The following SNTG1 variants were observed in gnomAD, a reference collection of about 807,000 sequenced individuals.
SNTG1 encodes the protein syntrophin gamma 1.
SNTG1 carries 39 observed loss-of-function variants against 74.7 expected under a neutral mutation model. That is an observed-to-expected ratio of 0.52 (90% CI 0.40 to 0.68). SNTG1 has a LOEUF of 0.68. SNTG1 is among the 30% of genes least tolerant of loss of function. The pLI is 0.00. For missense variants in SNTG1, 685 were observed against 609.5 expected (o/e 1.12, Z -1.30); for synonymous variants, 254 against 217.1 (o/e 1.17, Z -1.49).
intron 9 of SNTG1, among the ~76,000 whole-genome samples, chr8:50,528,694 G>A (rs1326572598): frequency 6.6e-6 from 1 of 151,452 alleles, no homozygotes; most frequent in Non-Finnish European, 1.5e-5. Context: ...CTTTCATGAA[G>A]TTATTTATCA....
intron 1 of SNTG1, among the ~76,000 whole-genome samples, chr8:50,041,608 C>T (rs755930800): frequency 3.3e-5 from 5 of 152,080 alleles, no homozygotes; most frequent in Non-Finnish European, 5.9e-5. Flanking sequence ...GTACAACTTT[C>T]ACAATTTATA....
At chr8:50,591,878 C>G (rs2094694096) in intron 13 of SNTG1, among the ~76,000 whole-genome samples, 1 of 152,164 alleles carries the variant, frequency 6.6e-6, no homozygotes, top group Non-Finnish European at 1.5e-5. Flanking sequence ...TGGATAAATG[C>G]AGAGGTTGGA....
chr8:50,036,203 A>G (rs1399821991), intron 1 of SNTG1, among the ~76,000 whole-genome samples: 1 of 152,210 alleles, frequency 6.6e-6, no homozygotes, highest in Non-Finnish European at 1.5e-5. Context: ...GACATACATT[A>G]TCTCTCTTAA....
At chr8:50,400,884 C>A (rs756245885) in intron 3 of SNTG1, among the ~76,000 whole-genome samples, 1 of 151,988 alleles carries the variant, frequency 6.6e-6, no homozygotes, top group Non-Finnish European at 1.5e-5. Flanking sequence ...TACTCTAGTG[C>A]ACGCTAGGAT....
chr8:50,285,597 C>T (rs1325947259), intron 2 of SNTG1, among the ~76,000 whole-genome samples: 1 of 152,110 alleles, frequency 6.6e-6, no homozygotes, highest in Non-Finnish European at 1.5e-5. Flanking sequence ...TCTCTCATCT[C>T]ATTATTTCTG....
chr8:50,048,589 G>T (rs1262103741), intron 1 of SNTG1, among the ~76,000 whole-genome samples: 1 of 152,004 alleles, frequency 6.6e-6, no homozygotes, highest in Non-Finnish European at 1.5e-5. Flanking sequence ...CATAGAAAAG[G>T]TGTCAGCTCC....
At chr8:50,164,373 C>G (rs1382895312) in intron 1 of SNTG1, 5 of 152,108 alleles carry the variant, frequency 3.3e-5, no homozygotes, top group African/African-American at 9.7e-5. Context: ...TGGCAATTCT[C>G]CATTGACAAG....
At chr8:49,973,490 G>A (rs953350231) in intron 1 of SNTG1, among the ~76,000 whole-genome samples, 3 of 151,162 alleles carry the variant, frequency 2.0e-5, no homozygotes, top group African/African-American at 4.9e-5. Flanking sequence ...TTGTGCACAT[G>A]TACCCTAAAA....
At chr8:50,739,750 A>C (rs1023415119) in intron 17 of SNTG1, among the ~76,000 whole-genome samples, 19 of 152,012 alleles carry the variant, frequency 1.2e-4, no homozygotes, top group African/African-American at 4.3e-4. Flanking sequence ...AGTAACCAAA[A>C]CAGCATGGCA....
chr8:50,177,457 G>C (rs2083040785), intron 2 of SNTG1, among the ~76,000 whole-genome samples: 1 of 152,156 alleles, frequency 6.6e-6, no homozygotes, highest in Non-Finnish European at 1.5e-5. Flanking sequence ...GGATGCAAAA[G>C]CCAATCTTCA....
At chr8:49,996,986 T>A (rs1814284039) in intron 1 of SNTG1, among the ~76,000 whole-genome samples, 1 of 152,166 alleles carries the variant, frequency 6.6e-6, no homozygotes, top group South Asian at 2.1e-4. Context: ...ACTTATTTTA[T>A]CCAATGTCTG....
chr8:50,693,805 G>C (rs2095392921), intron 15 of SNTG1, among the ~76,000 whole-genome samples: 1 of 151,948 alleles, frequency 6.6e-6, no homozygotes. Flanking sequence ...ATAACAGTAA[G>C]GATTTTATAA....
At chr8:49,925,222 ATTAC>A (rs1249424391) in intron 1 of SNTG1, among the ~76,000 whole-genome samples, 2 of 152,204 alleles carry the variant, frequency 1.3e-5, no homozygotes, top group African/African-American at 4.8e-5. Context: ...TATTTAAATA[ATTAC>A]TTGTCTTTTA....
chr8:50,360,619 A>G (rs1406201424), intron 2 of SNTG1, among the ~76,000 whole-genome samples: 1 of 152,206 alleles, frequency 6.6e-6, no homozygotes, highest in African/African-American at 2.4e-5. Flanking sequence ...CCTACACTAC[A>G]TGGGATAGCC....
chr8:50,154,061 C>A (rs2082169153), intron 1 of SNTG1, among the ~76,000 whole-genome samples: 1 of 152,144 alleles, frequency 6.6e-6, no homozygotes, highest in Non-Finnish European at 1.5e-5. Context: ...CCAGTTTGAG[C>A]TTCCAGGCTG....
chr8:50,216,966 T>C (rs984199183), intron 2 of SNTG1, among the ~76,000 whole-genome samples: 2 of 151,806 alleles, frequency 1.3e-5, no homozygotes, highest in Admixed American at 1.3e-4. Context: ...AAAACTTATT[T>C]ATTGAGTTTG....
chr8:49,961,915 T>C (rs530094062), intron 1 of SNTG1, among the ~76,000 whole-genome samples: 5 of 152,136 alleles, frequency 3.3e-5, no homozygotes, highest in Admixed American at 2.6e-4. Flanking sequence ...ATAGAAAAAA[T>C]AGCGTCTTTT....
rs145894028 is a variant in SNTG1 at position 50,582,667 on chromosome 8, C to T, written c.811-8212C>T. Among the ~76,000 whole-genome samples, 11 of 152,150 alleles carry T rather than the reference C, an allele frequency of 7.2e-5. No individual in the cohort carries two copies. In the East Asian group the frequency reaches 2.1e-3, roughly 29 times the overall value. Reference sequence around the variant, plus strand: ...ACAATTCTAGAAAAAAACAGGAATTCAAGCATAACATATTTTTTTTATTGA... The same window carrying T: ...ACAATTCTAGAAAAAAACAGGAATTTAAGCATAACATATTTTTTTTATTGA... On this transcript the variant is annotated intron_variant, in intron 12 of 18. Transcript: ENST00000642720.
At chr8:49,926,249 C>T (rs6472817) in intron 1 of SNTG1, among the ~76,000 whole-genome samples, 5,681 of 151,780 alleles carry the variant, frequency 0.037, 267 homozygotes, top group South Asian at 0.13. Flanking sequence ...TTATAATTAC[C>T]CATATGTTCT....
Sources: allele counts gnomAD v4.1 joint callset (sites outside exome capture counted in the v4.1 genomes callset), GRCh38; gene constraint gnomAD v4.1.1; transcripts MANE v1.5; gene names NCBI Gene and HGNC (gene_info 2026-07-23, HGNC 2026-07-21).